The following RABGAP1L variants were observed in gnomAD, a reference collection of about 807,000 sequenced individuals.
RABGAP1L encodes the protein RAB GTPase activating protein 1 like.
RABGAP1L carries 63 observed loss-of-function variants against 137.7 expected under a neutral mutation model. That is an observed-to-expected ratio of 0.46 (90% CI 0.37 to 0.56). RABGAP1L has a LOEUF of 0.56. Among genes scored for constraint, RABGAP1L ranks in the 20% least tolerant of loss-of-function variants. The pLI is 0.00. For missense variants in RABGAP1L, 1,095 were observed against 1,244.0 expected, an observed-to-expected ratio of 0.88 and a Z score of 1.80; for synonymous variants, 431 against 433.7, an observed-to-expected ratio of 0.99 and a Z score of 0.08.
At chr1:174,595,995 G>T (rs896667109) in intron 13 of RABGAP1L, among the ~76,000 whole-genome samples, 3 of 102,714 alleles carry the variant, frequency 2.9e-5, no homozygotes, top group Non-Finnish European at 5.4e-5. Context: ...TGCTGTGCTA[G>T]CAATCAGCGA....
At chr1:174,951,802 C>T (rs554850921) in intron 19 of RABGAP1L, among the ~76,000 whole-genome samples, 2 of 152,156 alleles carry the variant, frequency 1.3e-5, no homozygotes, top group Admixed American at 6.5e-5. Flanking sequence ...AAATGGAGAG[C>T]GGAGTCTACA....
At chr1:174,231,465 A>G (rs1670643706) in intron 4 of RABGAP1L, 110 bp downstream of exon 4, 2 of 972,808 alleles carry the variant, frequency 2.1e-6, no homozygotes, top group Non-Finnish European at 1.6e-6. Context: ...CACTGTAGAC[A>G]TGCAGAGTAA....
intron 20 of RABGAP1L, among the ~76,000 whole-genome samples, chr1:174,962,212 C>T (rs1345627147): frequency 7.4e-6 from 1 of 135,674 alleles, no homozygotes; most frequent in East Asian, 2.3e-4. Flanking sequence ...CCCCCACACA[C>T]ACACACAGCT....
chr1:174,277,443 C>G (rs1675095972), intron 9 of RABGAP1L, among the ~76,000 whole-genome samples: 1 of 151,468 alleles, frequency 6.6e-6, no homozygotes, highest in South Asian at 2.1e-4. Flanking sequence ...AATGTAACAC[C>G]TAGTTTAGTT....
intron 13 of RABGAP1L, among the ~76,000 whole-genome samples, chr1:174,575,559 G>C (rs950164432): frequency 6.6e-6 from 1 of 152,244 alleles, no homozygotes; most frequent in Non-Finnish European, 1.5e-5. Flanking sequence ...GTTGAAAAAA[G>C]AAAATGCAAC....
chr1:174,366,413 A>G (rs1224253052), intron 11 of RABGAP1L, among the ~76,000 whole-genome samples: 1 of 152,146 alleles, frequency 6.6e-6, no homozygotes, highest in African/African-American at 2.4e-5. Context: ...ATATGCATTT[A>G]CAGCCTTTAA....
chr1:174,609,604 T>A (rs1671038245), intron 13 of RABGAP1L, among the ~76,000 whole-genome samples: 1 of 152,162 alleles, frequency 6.6e-6, no homozygotes, highest in African/African-American at 2.4e-5. Context: ...GAATGGGAAT[T>A]TTCTGATCCT....
chr1:174,236,743 C>T, intron 4 of RABGAP1L, among the ~76,000 whole-genome samples: 1 of 112,594 alleles, frequency 8.9e-6, no homozygotes, highest in South Asian at 3.7e-4. Flanking sequence ...AATGTATATT[C>T]TGTTGATTTG....
At chr1:174,663,959 C>T (rs1323806475) in intron 14 of RABGAP1L, among the ~76,000 whole-genome samples, 1 of 152,094 alleles carries the variant, frequency 6.6e-6, no homozygotes, top group East Asian at 1.9e-4. Context: ...TCTAGGGACT[C>T]AGAGGCTGTG....
chr1:174,528,444 T>C (rs1319531536), intron 13 of RABGAP1L, among the ~76,000 whole-genome samples: 1 of 152,074 alleles, frequency 6.6e-6, no homozygotes, highest in African/African-American at 2.4e-5. Context: ...GACTACTTTT[T>C]CTTCATTTTT....
chr1:174,363,592 C>T (rs764694773), intron 11 of RABGAP1L, among the ~76,000 whole-genome samples: 2 of 152,102 alleles, frequency 1.3e-5, no homozygotes, highest in Non-Finnish European at 2.9e-5. Flanking sequence ...TGTTGGTTAA[C>T]AGTGGTGACA....
At chr1:174,981,881 C>T (rs566575367) in intron 23 of RABGAP1L, among the ~76,000 whole-genome samples, 1 of 152,038 alleles carries the variant, frequency 6.6e-6, no homozygotes, top group South Asian at 2.1e-4. Flanking sequence ...CTATGCTAAC[C>T]CCTTTGCATA....
intron 1 of RABGAP1L, among the ~76,000 whole-genome samples, chr1:174,164,064 A>ATT (rs916847078): frequency 1.3e-5 from 2 of 149,708 alleles, no homozygotes; most frequent in Non-Finnish European, 3.0e-5. Flanking sequence ...AATTATCTGG[A>ATT]TTTTTTTTTT....
At chr1:174,824,407 G>A (rs1691362151) in intron 19 of RABGAP1L, among the ~76,000 whole-genome samples, 2 of 152,014 alleles carry the variant, frequency 1.3e-5, no homozygotes, top group African/African-American at 4.8e-5. Flanking sequence ...AGGCAGGAGA[G>A]TCACTTGAAC....
intron 12 of RABGAP1L, among the ~76,000 whole-genome samples, chr1:174,373,025 A>G (rs1215335362): frequency 5.3e-5 from 8 of 152,162 alleles, no homozygotes; most frequent in Non-Finnish European, 1.2e-4. Context: ...ATCTTACACA[A>G]TTTTACCCCA....
chr1:174,788,196 A>G (rs1458999441), intron 18 of RABGAP1L, among the ~76,000 whole-genome samples: 8 of 152,226 alleles, frequency 5.3e-5, no homozygotes, highest in Admixed American at 5.2e-4. Context: ...ACTTGCGACG[A>G]AAGTAACCAG....
intron 11 of RABGAP1L, among the ~76,000 whole-genome samples, chr1:174,305,735 A>G (rs1389280958): frequency 6.7e-6 from 1 of 149,922 alleles, no homozygotes; most frequent in Non-Finnish European, 1.5e-5. Flanking sequence ...TTTTTTTTCT[A>G]TTTTATTTTT....
At chr1:174,328,828 C>T (rs1473169323) in intron 11 of RABGAP1L, among the ~76,000 whole-genome samples, 1 of 151,528 alleles carries the variant, frequency 6.6e-6, no homozygotes, top group African/African-American at 2.4e-5. Flanking sequence ...TGCAGTATAC[C>T]AAAATAGCAA....
chr1:174,780,114 A>AT lies in RABGAP1L; in HGVS notation c.2211+27761dup, dbSNP rs11451173. Among the ~76,000 whole-genome samples the AT allele has an allele frequency of 4.7e-3, 706 of 149,328 alleles. 7 individuals carry two copies. The highest frequency in any genetic ancestry group is 0.016 in the African/African-American group (658 of 40,616). ...AATAAATAAATAAATAAATAAATAA[A>AT]TAAATTAAATAAGCCCTAATTAAAA... On this transcript the variant is annotated intron_variant, in intron 18 of 25. Transcript: ENST00000681986.
Sources: allele counts gnomAD v4.1 joint callset (sites outside exome capture counted in the v4.1 genomes callset), GRCh38; gene constraint gnomAD v4.1.1; transcripts MANE v1.5; gene names NCBI Gene and HGNC (gene_info 2026-07-23, HGNC 2026-07-21).